FBLN2: variants seen among roughly 807,000 people sequenced by gnomAD.
The protein encoded by FBLN2 is fibulin 2.
Under a neutral mutation model 123.7 loss-of-function variants are expected in FBLN2, and 81 were observed. The ratio of observed to expected loss-of-function variants is 0.65; its 90% CI spans 0.55 to 0.79. The LOEUF is 0.79. Among genes scored for constraint, FBLN2 ranks in the 30% least tolerant of loss-of-function variants. FBLN2 has a pLI of 0.00. For synonymous variants in FBLN2, 699 were observed against 701.4 expected, an observed-to-expected ratio of 1.00 and a Z score of 0.05; for missense variants, 1,603 against 1,681.3, an observed-to-expected ratio of 0.95 and a Z score of 0.81.
At position 13,631,597 on chromosome 3, in the gene FBLN2, A is replaced by G. The variant is rs1706261113; in HGVS notation, c.3214+140A>G. ...TAAATGCAGGATGGCCAATGCTACC[A>G]GTGGCCATGTTAACTGAGGTTGTGC... On this transcript the variant is annotated intron_variant, in intron 16 of 17. Coordinates refer to ENST00000404922, the MANE Select transcript of FBLN2 (RefSeq NM_001004019.2). 1.4e-5 allele frequency: 15 copies of G among 1,043,972 alleles called. No homozygotes were observed. The South Asian group carries it at 2.5e-4, about 18-fold the overall frequency. 64.7% of individuals were successfully genotyped at this position (1,043,972 alleles called of 1,614,324 possible). A position where few individuals can be genotyped will look rare whatever the true frequency, so the allele number is the denominator to read the frequency against.
chr3:13,629,163 G>T lies in FBLN2; in HGVS notation c.2714-1G>T. The T allele has an allele frequency of 1.9e-6, 3 of 1,613,070 alleles. No homozygotes were observed. Among genetic ancestry groups the T allele is most frequent in the Non-Finnish European group, 2.5e-6 (3 of 1,179,600 alleles). On this transcript the variant is annotated splice_acceptor_variant, in intron 12 of 17. Transcript: ENST00000404922. LOFTEE classifies it high-confidence loss of function. ...CAAGGTACCCTGCTCACCCCCCACA[G>T]ACGTGAATGAGTGTGAGACAGGTGT...
Position 13,574,294 on chromosome 3 carries a change from G to T in FBLN2, c.1306+2633G>T, listed in dbSNP as rs546901941. Among the ~76,000 whole-genome samples, 8 of 152,330 alleles carry T rather than the reference G, an allele frequency of 5.3e-5. No homozygotes were observed. In the South Asian group the frequency reaches 1.7e-3, roughly 32 times the overall value. ...CTGGGGCCACAGGCTGTGCTGAGAG[G>T]CCTTCTGCAGGTCAGGGGCTGCCCC... On this transcript the variant is annotated intron_variant, in intron 2 of 17. Coordinates refer to ENST00000404922, the MANE Select transcript of FBLN2 (RefSeq NM_001004019.2).
At chr3:13,557,907 T>G (rs1228717499) in intron 1 of FBLN2, among the ~76,000 whole-genome samples, 1 of 152,236 alleles carries the variant, frequency 6.6e-6, no homozygotes, top group Non-Finnish European at 1.5e-5. Context: ...AGTCCAGAGC[T>G]TGGTCCTGCT....
chr3:13,620,563 C>G (rs1445122009), intron 8 of FBLN2, among the ~76,000 whole-genome samples: 1 of 152,190 alleles, frequency 6.6e-6, no homozygotes, highest in Non-Finnish European at 1.5e-5. Flanking sequence ...CCAGGACCCC[C>G]CACTGTAAAA....
rs1705265428 is a variant in FBLN2 at position 13,608,066 on chromosome 3, C to G, written c.1311C>G (p.Ser437=). ...HSIPRSSPEG[S]TKDLIETCCA... ...GCCTCATGTTGCTATCCACAGGCTC[C>G]ACCAAGGACCTGATCGAGACTTGCT... Residue 437 remains serine, a synonymous_variant, in exon 3 of 18, where the codon TCC becomes TCG. Transcript: ENST00000404922. 1 of 1,577,298 alleles carries G rather than the reference C, an allele frequency of 6.3e-7. No individual in the cohort carries two copies. Among genetic ancestry groups the G allele is most frequent in the Admixed American group, 1.8e-5 (1 of 54,612 alleles).
chr3:13,618,994 T>A lies in FBLN2; in HGVS notation c.2030T>A (p.Leu677Gln), dbSNP rs573410581. 5.0e-6 allele frequency: 8 copies of A among 1,612,266 alleles called. No individual in the cohort carries two copies. The East Asian group carries it at 1.6e-4, about 31-fold the overall frequency. Residue 677 changes from leucine (L) to glutamine (Q), a missense_variant, in exon 7 of 18, where the codon CTG (leucine) becomes CAG (glutamine). Physicochemically the swap from Leu to Gln is moderately radical, Grantham distance 113. Transcript: ENST00000404922. ...GCCTCTAACACCATCCCGCTGCCAC[T>A]GCCGCAGCCCAATACCTGCAAAGGT... ...QVASNTIPLP[L>Q]PQPNTCKDNG...
chr3:13,618,174 C>T lies in FBLN2; in HGVS notation c.1828C>T (p.Leu610Phe). 1 of 1,613,370 alleles carries T rather than the reference C, an allele frequency of 6.2e-7. No individual in the cohort carries two copies. The highest frequency in any genetic ancestry group is 8.5e-7 in the Non-Finnish European group (1 of 1,179,474). Residue 610 changes from leucine to phenylalanine, a missense_variant, in exon 6 of 18, where the codon CTC becomes TTC. Leu to Phe is a conservative substitution (Grantham distance 22). Coordinates refer to ENST00000404922, the MANE Select transcript of FBLN2 (RefSeq NM_001004019.2). ...LPGDDQDECLLLPGELCQHLC... is the reference protein window; with the variant it reads ...LPGDDQDECLFLPGELCQHLC... ...GGGCGATGACCAGGATGAGTGCCTT[C>T]TCCTCCCGGGAGAGCTGTGCCAGCA...
At chr3:13,628,095 T>C (rs1002265103) in intron 11 of FBLN2, 126 bp downstream of exon 11, 2 of 1,227,156 alleles carry the variant, frequency 1.6e-6, no homozygotes, top group Non-Finnish European at 2.3e-6. Context: ...CCAGCCCCCT[T>C]GTCCCTACCT....
At chr3:13,633,714 T>A (rs1250296698) in intron 16 of FBLN2, among the ~76,000 whole-genome samples, 2 of 152,126 alleles carry the variant, frequency 1.3e-5, no homozygotes, top group East Asian at 3.8e-4. Context: ...TCTCCAATAG[T>A]TAAAAAAGAA....
intron 2 of FBLN2, among the ~76,000 whole-genome samples, chr3:13,586,191 T>G (rs964289454): frequency 6.6e-6 from 1 of 152,196 alleles, no homozygotes; most frequent in African/African-American, 2.4e-5. Flanking sequence ...TTTTTTCTTT[T>G]TTCTTTTTTT....
At chr3:13,620,906 TG>T (rs766292221) in intron 8 of FBLN2, among the ~76,000 whole-genome samples, 7 of 152,192 alleles carry the variant, frequency 4.6e-5, no homozygotes, top group Non-Finnish European at 4.4e-5. Flanking sequence ...GTACATGACG[TG>T]GCAGTGACCG....
At chr3:13,562,467 G>A (rs893045514) in intron 1 of FBLN2, among the ~76,000 whole-genome samples, 1 of 149,908 alleles carries the variant, frequency 6.7e-6, no homozygotes, top group Non-Finnish European at 1.5e-5. Flanking sequence ...AGCAATTCTC[G>A]TGCCTCAGCC....
chr3:13,628,858 G>C (rs770254970), intron 11 of FBLN2, 47 bp from the exon 12 acceptor site: 1 of 1,597,878 alleles, frequency 6.3e-7, no homozygotes, highest in Non-Finnish European at 8.5e-7. Flanking sequence ...CTGGGGCCTG[G>C]GAGGACACCA....
intron 1 of FBLN2, among the ~76,000 whole-genome samples, 155 bp downstream of exon 1, chr3:13,549,363 C>T (rs1574935521): frequency 6.6e-6 from 1 of 151,538 alleles, no homozygotes; most frequent in Non-Finnish European, 1.5e-5. Context: ...GCCGGTCCGA[C>T]CGGGTCTCGC....
Position 13,570,492 on chromosome 3 carries a change from A to G in FBLN2, c.137A>G (p.Glu46Gly). The change falls in exon 2 of 18, where the codon GAG (glutamate) becomes GGG (glycine). Residue 46 changes from glutamate to glycine, a missense_variant. By Grantham distance (98) the Glu-to-Gly change is moderately conservative. Transcript: ENST00000404922. ...VECPPLENCI[E>G]EALEPGACCA... is the part of the protein sequence containing the mutation. Reference sequence around the variant, plus strand: ...TGCCCGCCGCTGGAGAACTGCATTGAGGAGGCGCTGGAGCCGGGTGCCTGC... The same window carrying G: ...TGCCCGCCGCTGGAGAACTGCATTGGGGAGGCGCTGGAGCCGGGTGCCTGC... The G allele has an allele frequency of 6.3e-7, 1 of 1,585,142 alleles. No individual in the cohort carries two copies.
intron 1 of FBLN2, among the ~76,000 whole-genome samples, chr3:13,563,091 A>G (rs975794644): frequency 2.6e-5 from 4 of 152,170 alleles, no homozygotes; most frequent in Admixed American, 2.0e-4. Flanking sequence ...GTGAACTTGG[A>G]TGCGCAAATA....
In FBLN2 at chr3:13,571,473, T is replaced by A; in HGVS notation, c.1118T>A (p.Val373Glu). The A allele has an allele frequency of 6.2e-7, 1 of 1,613,444 alleles. No individual in the cohort carries two copies. Among genetic ancestry groups the A allele is most frequent in the Non-Finnish European group, 8.5e-7 (1 of 1,179,802 alleles). Residue 373 changes from valine to glutamate, a missense_variant, in exon 2 of 18, where the codon GTG becomes GAG. Coordinates refer to ENST00000404922, the MANE Select transcript of FBLN2 (RefSeq NM_001004019.2). Reference sequence around the variant, plus strand: ...GCTGCTCTCGTCCCAACTCAGGCCGTGCCTGGCTCTCCCAGGGACCCAGTC... The same window carrying A: ...GCTGCTCTCGTCCCAACTCAGGCCGAGCCTGGCTCTCCCAGGGACCCAGTC... ...GKAALVPTQAVPGSPRDPVKP... is the reference protein window; with the variant it reads ...GKAALVPTQAEPGSPRDPVKP...
chr3:13,554,009 G>A (rs1703398840), intron 1 of FBLN2, among the ~76,000 whole-genome samples: 1 of 152,244 alleles, frequency 6.6e-6, no homozygotes, highest in African/African-American at 2.4e-5. Flanking sequence ...GGGGAGCACC[G>A]TGGGAGTTGA....
intron 2 of FBLN2, among the ~76,000 whole-genome samples, chr3:13,584,264 A>G (rs955939858): frequency 1.3e-5 from 2 of 152,198 alleles, no homozygotes; most frequent in African/African-American, 2.4e-5. Flanking sequence ...GCTTGCTGCC[A>G]TAGCTTGGAC....
Sources: allele counts gnomAD v4.1 joint callset (sites outside exome capture counted in the v4.1 genomes callset), GRCh38; gene constraint gnomAD v4.1.1; transcripts MANE v1.5; gene names NCBI Gene and HGNC (gene_info 2026-07-23, HGNC 2026-07-21).